Variants in TBC1D17 observed in about 807,000 individuals in gnomAD.
TBC1D17 encodes the protein TBC1 domain family member 17, also known as TBC1 domain family, member 17.
In TBC1D17, 69 loss-of-function variants were observed where a neutral mutation model predicts 78.8. That is an observed-to-expected ratio of 0.88 (90% CI 0.72 to 1.07). The LOEUF (loss-of-function observed/expected upper bound fraction) is 1.07. TBC1D17 is among the 50% of genes least tolerant of loss of function. The probability of loss-of-function intolerance (pLI) is 0.00; values close to 1 mark genes in which losing one functional copy is unlikely to be tolerated. For synonymous variants in TBC1D17, 456 were observed against 358.3 expected, an observed-to-expected ratio of 1.27 and a Z score of -3.08; for missense variants, 957 against 861.0, an observed-to-expected ratio of 1.11 and a Z score of -1.39.
chr19:49,884,168 G>A (rs958340780), intron 10 of TBC1D17, 85 bp from the exon 11 acceptor site: 17 of 1,221,992 alleles, frequency 1.4e-5, no homozygotes, highest in Non-Finnish European at 1.8e-5. Flanking sequence ...CCAGCAGGAG[G>A]AGCAGTGGGG....
Position 49,883,744 on chromosome 19 carries a change from C to G in TBC1D17, c.1125C>G (p.Ile375Met). 1.2e-6 allele frequency: 2 copies of G among 1,613,356 alleles called. No individual in the cohort carries two copies. Among genetic ancestry groups the G allele is most frequent in the South Asian group, 2.2e-5 (2 of 91,054 alleles). The stretch of plus-strand genomic sequence containing the variant: ...TTCTGCATGGATACCGCAGCCTCAT[C>G]GGTCAGTGTCAGGGGTGGCACTTAG... ...NSLLHGYRSL[I>M]ERDVSRTDRT... Residue 375 changes from isoleucine to methionine, a missense_variant and splice_region_variant, in exon 10 of 17, where the codon ATC (isoleucine) becomes ATG (methionine). Coordinates refer to ENST00000221543, the MANE Select transcript of TBC1D17 (RefSeq NM_024682.3).
At chr19:49,881,994 T>C (rs1476743301) in intron 5 of TBC1D17, 47 bp from the exon 6 acceptor site, 19 of 1,521,676 alleles carry the variant, frequency 1.2e-5, no homozygotes, top group Non-Finnish European at 1.5e-5. Context: ...CCTGGGACAC[T>C]GGGCCCCTAC....
At chr19:49,885,465 A>ATAT (rs200455433) in intron 13 of TBC1D17, 44 of 150,168 alleles carry the variant, frequency 2.9e-4, no homozygotes, top group African/African-American at 1.0e-3. Flanking sequence ...AAAAAAAAAA[A>ATAT]AAAAATATAT....
intron 3 of TBC1D17, 147 bp downstream of exon 3, chr19:49,878,719 T>C: frequency 1.5e-6 from 1 of 688,370 alleles, no homozygotes; most frequent in Non-Finnish European, 2.5e-6. Flanking sequence ...TGCCTCTCCT[T>C]TTGCTCCTCT....
In TBC1D17 at chr19:49,881,262, C is replaced by G. The variant is rs760489405; in HGVS notation, c.320-6C>G. The G allele has an allele frequency of 3.1e-5, 50 of 1,611,694 alleles. No individual in the cohort carries two copies. The highest frequency in any genetic ancestry group is 5.0e-5 in the Admixed American group (3 of 59,884). ...CGCTTCCCCCAACACAGTGCCGTCTCCCTAGGTGCAGAGCCCAGCTGCCCC... is the reference window on the plus strand; with the variant it reads ...CGCTTCCCCCAACACAGTGCCGTCTGCCTAGGTGCAGAGCCCAGCTGCCCC... On this transcript the variant is annotated splice_region_variant and splice_polypyrimidine_tract_variant and intron_variant, in intron 4 of 16. Transcript: ENST00000221543.
rs143171729 is a variant in TBC1D17 at position 49,883,882 on chromosome 19, G to T, written c.1126+137G>T. 1,017 of 749,764 alleles carry T rather than the reference G, an allele frequency of 1.4e-3. 4 individuals are homozygous for T. In the African/African-American group the frequency reaches 0.016, roughly 12 times the overall value. 46.4% of individuals were successfully genotyped at this position (749,764 alleles called of 1,614,324 possible). A position where few individuals can be genotyped will look rare whatever the true frequency, so the allele number is the denominator to read the frequency against. Reference sequence around the variant, plus strand: ...TGAGAGGGCATCTTGGGGGAAAGCTGCATGGGCTGTTGGGGAATGGCCCTG... The same window carrying T: ...TGAGAGGGCATCTTGGGGGAAAGCTTCATGGGCTGTTGGGGAATGGCCCTG... On this transcript the variant is annotated intron_variant, in intron 10 of 16. Coordinates refer to ENST00000221543, the MANE Select transcript of TBC1D17 (RefSeq NM_024682.3).
intron 1 of TBC1D17, 44 bp from the exon 2 acceptor site, chr19:49,878,099 C>A: frequency 6.7e-7 from 1 of 1,490,654 alleles, no homozygotes; most frequent in South Asian, 1.2e-5. Context: ...CCAGGCTGGT[C>A]CCCTCGCTTG....
chr19:49,888,121 A>G, intron 15 of TBC1D17, 110 bp from the exon 16 acceptor site: 1 of 1,520,396 alleles, frequency 6.6e-7, no homozygotes, highest in Non-Finnish European at 8.9e-7. Flanking sequence ...CTGAGCCCCC[A>G]GAGGGCCAGC....
At chr19:49,884,795 G>T in intron 13 of TBC1D17, 37 bp downstream of exon 13, 1 of 1,579,922 alleles carries the variant, frequency 6.3e-7, no homozygotes, top group Non-Finnish European at 8.7e-7. Context: ...AGACAATGGG[G>T]CCATAGACCT....
rs1230039767 is a variant in TBC1D17 at position 49,884,355 on chromosome 19, A to G, written c.1229A>G (p.Tyr410Cys). 4 of 1,613,882 alleles carry G rather than the reference A, an allele frequency of 2.5e-6. No homozygotes were observed. The highest frequency in any genetic ancestry group is 3.3e-5 in the Admixed American group (2 of 60,002). Reference protein sequence around the residue: ...LNDILLTYCMYHFDLGYVQGM... With the variant: ...LNDILLTYCMCHFDLGYVQGM... ...GATATCCTCCTCACCTACTGCATGTATCACTTCGACCTCGGTGGGTGCCAG... is the reference window on the plus strand; with the variant it reads ...GATATCCTCCTCACCTACTGCATGTGTCACTTCGACCTCGGTGGGTGCCAG... Residue 410 changes from tyrosine (Y) to cysteine (C), a missense_variant, in exon 11 of 17, where the codon TAT (tyrosine) becomes TGT (cysteine). Transcript: ENST00000221543.
chr19:49,881,459 T>C lies in TBC1D17; in HGVS notation c.511T>C (p.Tyr171His). Residue 171 changes from tyrosine (Y) to histidine (H), a missense_variant, in exon 5 of 17, where the codon TAC becomes CAC. Tyr to His is a moderately conservative substitution (Grantham distance 83). Coordinates refer to ENST00000221543, the MANE Select transcript of TBC1D17 (RefSeq NM_024682.3). ...TRALLRVLSR[Y>H]LLLASSPQDS... ...CGCCCTGCTCCGCGTCCTCAGCCGC[T>C]ACCTGCTGTTGGCCAGGTGAGCTCT... is the stretch of plus-strand genomic sequence containing the variant. 1.2e-6 allele frequency: 2 copies of C among 1,609,518 alleles called. No individual in the cohort carries two copies. The highest frequency in any genetic ancestry group is 1.7e-6 in the Non-Finnish European group (2 of 1,179,760).
In TBC1D17 at chr19:49,881,403, C is replaced by T; in HGVS notation, c.455C>T (p.Pro152Leu). 5 of 1,613,042 alleles carry T rather than the reference C, an allele frequency of 3.1e-6. No individual in the cohort carries two copies. The highest frequency in any genetic ancestry group is 4.2e-6 in the Non-Finnish European group (5 of 1,179,990). Residue 152 changes from proline (P) to leucine (L), a missense_variant, in exon 5 of 17, where the codon CCC (proline) becomes CTC (leucine). Physicochemically the swap from Pro to Leu is moderately conservative, Grantham distance 98. Coordinates refer to ENST00000221543, the MANE Select transcript of TBC1D17 (RefSeq NM_024682.3). The stretch of plus-strand genomic sequence containing the variant: ...GTGACCCAGGCTGGAGGTTCCCTGC[C>T]CGCACTGCACTTCCACCGCGGGGGC... ...VLVTQAGGSL[P>L]ALHFHRGGTR...
rs1340862102 is a variant in TBC1D17, at chr19:49,884,686, A to G, written c.1372A>G (p.Thr458Ala). The part of the protein sequence containing the change: ...VQGNFEESQE[T>A]MKRQLGRLLL... ...AGGGAACTTTGAAGAGAGCCAGGAG[A>G]CCATGAAGCGGCAACTCGGGCGACT... The change falls in exon 13 of 17, where the codon ACC becomes GCC. Residue 458 changes from threonine (T) to alanine (A), a missense_variant. Thr to Ala is a moderately conservative substitution (Grantham distance 58). Coordinates refer to ENST00000221543, the MANE Select transcript of TBC1D17 (RefSeq NM_024682.3). The G allele has an allele frequency of 6.2e-7, 1 of 1,613,860 alleles. No homozygotes were observed. Among genetic ancestry groups the G allele is most frequent in the Non-Finnish European group, 8.5e-7 (1 of 1,179,978 alleles).
intron 7 of TBC1D17, 130 bp from the exon 8 acceptor site, chr19:49,882,614 TGGCTGCTGAGCCCCGGAAGA>T: frequency 1.4e-6 from 2 of 1,384,568 alleles, no homozygotes; most frequent in Non-Finnish European, 1.9e-6. Flanking sequence ...GGGGATGACT[TGGCTGCTGAGCCCCGGAAGA>T]GGCTGCTGCC....
In TBC1D17 at chr19:49,887,845, G is replaced by T; in HGVS notation, c.1659+11G>T. 1 of 1,598,070 alleles carries T rather than the reference G, an allele frequency of 6.3e-7. No homozygotes were observed. The highest frequency in any genetic ancestry group is 8.5e-7 in the Non-Finnish European group (1 of 1,172,344). On this transcript the variant is annotated intron_variant, in intron 15 of 16. Transcript: ENST00000221543. ...AATGAGATCCTCAAGGTGAGGCTCCGGCCCCGCCCCCGCCCTGTCCCCCCT... is the reference window on the plus strand; with the variant it reads ...AATGAGATCCTCAAGGTGAGGCTCCTGCCCCGCCCCCGCCCTGTCCCCCCT...
At position 49,882,385 on chromosome 19, in the gene TBC1D17, C is replaced by T. The variant is rs202198320; in HGVS notation, c.783C>T (p.Phe261=). The change falls in exon 7 of 17, where the codon TTC becomes TTT. Residue 261 remains phenylalanine, a synonymous_variant. Transcript: ENST00000221543. ...PPPDDEPEPG[F]EVISCVELGP... ...CCGACGATGAGCCCGAGCCTGGATTCGAGGTCATTTCCTGTGTGAGTAGTG... is the reference window on the plus strand; with the variant it reads ...CCGACGATGAGCCCGAGCCTGGATTTGAGGTCATTTCCTGTGTGAGTAGTG... The T allele has an allele frequency of 1.3e-4, 216 of 1,606,618 alleles. 2 individuals are homozygous for T. Among genetic ancestry groups the T allele is most frequent in the Non-Finnish European group, 1.4e-4 (170 of 1,179,572 alleles).
chr19:49,878,227 C>A lies in TBC1D17; in HGVS notation c.106C>A (p.Arg36Ser). The A allele has an allele frequency of 6.4e-7, 1 of 1,558,874 alleles. No individual in the cohort carries two copies. Among genetic ancestry groups the A allele is most frequent in the Non-Finnish European group, 8.7e-7 (1 of 1,151,292 alleles). The stretch of plus-strand genomic sequence containing the variant: ...AGACTCTCTCATCGCTGGTGTCATC[C>A]GTGTCGTGGAAAAGGTGCGCTGGGA... Reference protein sequence around the residue: ...DRDSLIAGVIRVVEKDNDVLL... With the variant: ...DRDSLIAGVISVVEKDNDVLL... Residue 36 changes from arginine to serine, a missense_variant, in exon 2 of 17, where the codon CGT (arginine) becomes AGT (serine). Physicochemically the swap from Arg to Ser is moderately radical, Grantham distance 110. Transcript: ENST00000221543.
Position 49,888,218 on chromosome 19 carries a change from C to G in TBC1D17, c.1660-13C>G, listed in dbSNP as rs2075079547. 5 of 1,570,618 alleles carry G rather than the reference C, an allele frequency of 3.2e-6. No homozygotes were observed. Among genetic ancestry groups the G allele is most frequent in the Non-Finnish European group, 4.3e-6 (5 of 1,158,468 alleles). On this transcript the variant is annotated splice_polypyrimidine_tract_variant and intron_variant, in intron 15 of 16. Coordinates refer to ENST00000221543, the MANE Select transcript of TBC1D17 (RefSeq NM_024682.3). ...TGAGTGCCGACTGGCGCCTGACCCA[C>G]CCCCTCCCGCAGCACATCAACGAGC...
At chr19:49,883,113 C>A in intron 9 of TBC1D17, 37 bp downstream of exon 9, 3 of 1,562,934 alleles carry the variant, frequency 1.9e-6, no homozygotes, top group Admixed American at 1.8e-5. Context: ...CCAGGCATGA[C>A]ACCTGGTACC....
Sources: allele counts gnomAD v4.1 joint callset, GRCh38; gene constraint gnomAD v4.1.1; transcripts MANE v1.5; gene names NCBI Gene and HGNC (gene_info 2026-07-23, HGNC 2026-07-21).